Variants in GOLGA5 observed in about 807,000 individuals in gnomAD.
GOLGA5 encodes golgin subfamily A member 5.
A neutral mutation model predicts 93.5 loss-of-function variants in GOLGA5; 50 were observed. That is an observed-to-expected ratio of 0.53 (90% CI 0.43 to 0.68). GOLGA5 has a LOEUF of 0.68. Among genes scored for constraint, GOLGA5 ranks in the 30% least tolerant of loss-of-function variants. The pLI is 0.00. For missense variants in GOLGA5, 760 were observed against 856.4 expected (o/e 0.89, Z 1.40); for synonymous variants, 312 against 304.5 (o/e 1.02, Z -0.26).
chr14:92,834,733 C>T (rs1885604408), intron 10 of GOLGA5, among the ~76,000 whole-genome samples: 1 of 152,182 alleles, frequency 6.6e-6, no homozygotes, highest in African/African-American at 2.4e-5. Flanking sequence ...ATTGAAGGAT[C>T]TTGAGAGGGG....
intron 10 of GOLGA5, among the ~76,000 whole-genome samples, chr14:92,835,061 G>A (rs1885611598): frequency 6.6e-6 from 1 of 152,198 alleles, no homozygotes; most frequent in East Asian, 1.9e-4. Context: ...CAGGGAAATG[G>A]CAGCTGAGGC....
At chr14:92,800,627 A>G (rs1884850322) in intron 2 of GOLGA5, among the ~76,000 whole-genome samples, 1 of 152,224 alleles carries the variant, frequency 6.6e-6, no homozygotes, top group Non-Finnish European at 1.5e-5. Flanking sequence ...TAATTTAAAA[A>G]TGAATTATTG....
intron 4 of GOLGA5, among the ~76,000 whole-genome samples, chr14:92,809,885 G>A (rs1335445968): frequency 6.6e-6 from 1 of 152,340 alleles, no homozygotes; most frequent in South Asian, 2.1e-4. Context: ...TTGAACCCAG[G>A]AGGTGGAGGT....
Position 92,833,198 on chromosome 14 carries a change from T to C in GOLGA5, c.1796T>C (p.Ile599Thr). Reference protein sequence around the residue: ...NRLHQLTETLIQKQTMLESLS... With the variant: ...NRLHQLTETLTQKQTMLESLS... ...CTCCATCAGCTAACAGAGACTCTCA[T>C]CCAGAAACAGACCATGCTGGAGAGT... The change falls in exon 10 of 13, where the codon ATC becomes ACC. Residue 599 changes from isoleucine (I) to threonine (T), a missense_variant. Physicochemically the swap from Ile to Thr is moderately conservative, Grantham distance 89 (BLOSUM62 -1). Transcript: ENST00000163416. 6.2e-7 allele frequency: 1 copy of C among 1,613,400 alleles called. No homozygotes were observed. The highest frequency in any genetic ancestry group is 8.5e-7 in the Non-Finnish European group (1 of 1,179,330).
chr14:92,808,694 C>T (rs1377036493), intron 3 of GOLGA5, among the ~76,000 whole-genome samples: 1 of 47,282 alleles, frequency 2.1e-5, no homozygotes, highest in African/African-American at 8.7e-5. Flanking sequence ...AAAGGTGTGT[C>T]TCACTGGAAA....
At chr14:92,812,389 G>T (rs186565400) in intron 6 of GOLGA5, among the ~76,000 whole-genome samples, 7 of 152,156 alleles carry the variant, frequency 4.6e-5, no homozygotes, top group Non-Finnish European at 7.4e-5. Flanking sequence ...TTACTCAAGA[G>T]CACATGGTTA....
chr14:92,815,404 A>C (rs1415115527), intron 6 of GOLGA5, among the ~76,000 whole-genome samples: 1 of 152,188 alleles, frequency 6.6e-6, no homozygotes, highest in Non-Finnish European at 1.5e-5. Context: ...GGATACTTGT[A>C]ACTTCTCTTT....
At position 92,837,390 on chromosome 14, in the gene GOLGA5, C is replaced by A. The variant is rs372954517; in HGVS notation, c.2056C>A (p.Arg686Ser). Residue 686 changes from arginine to serine, a missense_variant, in exon 12 of 13, where the codon CGC becomes AGC. Coordinates refer to ENST00000163416, the MANE Select transcript of GOLGA5 (RefSeq NM_005113.4). ...CTCACACCTGTGTCTGCACAGTATT[C>A]GCCTGGGAATTTTTCTCCGAAGATA... ...AASSIDQFSI[R>S]LGIFLRRYPI... The A allele has an allele frequency of 2.6e-6, 4 of 1,522,890 alleles. No individual in the cohort carries two copies. Among genetic ancestry groups the A allele is most frequent in the African/African-American group, 2.7e-5 (2 of 73,186 alleles). 94.3% of individuals were successfully genotyped at this position (1,522,890 alleles called of 1,614,324 possible).
chr14:92,820,569 C>T (rs1231991243), intron 8 of GOLGA5, among the ~76,000 whole-genome samples: 8 of 152,178 alleles, frequency 5.3e-5, no homozygotes, highest in Non-Finnish European at 1.5e-5. Flanking sequence ...TGACAGGTGT[C>T]GGGCTGGGGG....
chr14:92,824,547 A>G lies in GOLGA5; in HGVS notation c.1622A>G (p.Glu541Gly), dbSNP rs767069091. The G allele has an allele frequency of 1.9e-6, 3 of 1,541,808 alleles. No homozygotes were observed. The highest frequency in any genetic ancestry group is 2.7e-6 in the Non-Finnish European group (3 of 1,119,542). Reference sequence around the variant, plus strand: ...TTTTGTTTGTGCCTCACTTTGCAGGAGTTCCACTATATAGAAGAAGATCTT... The same window carrying G: ...TTTTGTTTGTGCCTCACTTTGCAGGGGTTCCACTATATAGAAGAAGATCTT... The part of the protein sequence containing the change: ...LETELERLKQ[E>G]FHYIEEDLYR... The change falls in exon 9 of 13, where the codon GAG becomes GGG. Residue 541 changes from glutamate (E) to glycine (G), a missense_variant and splice_region_variant. Coordinates refer to ENST00000163416, the MANE Select transcript of GOLGA5 (RefSeq NM_005113.4).
intron 5 of GOLGA5, among the ~76,000 whole-genome samples, chr14:92,811,294 T>C (rs1885096990): frequency 6.6e-6 from 1 of 152,184 alleles, no homozygotes; most frequent in Non-Finnish European, 1.5e-5. Flanking sequence ...AAATTCCAGT[T>C]TAGTAAGCTT....
intron 5 of GOLGA5, among the ~76,000 whole-genome samples, chr14:92,811,034 CTTAATT>C (rs1259635022): frequency 6.6e-6 from 1 of 152,156 alleles, no homozygotes; most frequent in Non-Finnish European, 1.5e-5. Context: ...GTGTGTGTCT[CTTAATT>C]TTAACACAAT....
rs368512639 is a variant in GOLGA5 at position 92,833,264 on chromosome 14, G to T, written c.1862G>T (p.Arg621Leu). ...EKNSLVFQLE[R>L]LEQQMNSASG... is the part of the protein sequence containing the mutation. Reference sequence around the variant, plus strand: ...AACTCCCTGGTCTTTCAACTGGAGCGCCTCGAACAGCAGATGAACTCCGCC... The same window carrying T: ...AACTCCCTGGTCTTTCAACTGGAGCTCCTCGAACAGCAGATGAACTCCGCC... The change falls in exon 10 of 13, where the codon CGC (arginine) becomes CTC (leucine). Residue 621 changes from arginine to leucine, a missense_variant. Transcript: ENST00000163416. 5.6e-6 allele frequency: 9 copies of T among 1,613,860 alleles called. No homozygotes were observed. Among genetic ancestry groups the T allele is most frequent in the Non-Finnish European group, 7.6e-6 (9 of 1,179,756 alleles).
chr14:92,797,901 C>T lies in GOLGA5; in HGVS notation c.464C>T (p.Thr155Ile), dbSNP rs771822697. 3.1e-6 allele frequency: 5 copies of T among 1,612,686 alleles called. No homozygotes were observed. The highest frequency in any genetic ancestry group is 4.2e-6 in the Non-Finnish European group (5 of 1,179,174). Residue 155 changes from threonine to isoleucine, a missense_variant, in exon 2 of 13, where the codon ACA (threonine) becomes ATA (isoleucine). Transcript: ENST00000163416. The stretch of plus-strand genomic sequence containing the variant: ...ACACCTGTCTTTCAGAGCTCTCAGA[C>T]ATCAAGTGTCAGTTCTGTGAACCCC... ...GKTPVFQSSQ[T>I]SSVSSVNPSV...
At chr14:92,822,802 G>A (rs531949443) in intron 8 of GOLGA5, among the ~76,000 whole-genome samples, 118 of 152,120 alleles carry the variant, frequency 7.8e-4, no homozygotes, top group South Asian at 1.2e-3. Flanking sequence ...GATTACAGAC[G>A]TTCACCACTA....
intron 2 of GOLGA5, among the ~76,000 whole-genome samples, chr14:92,806,019 A>G (rs888618565): frequency 1.4e-5 from 2 of 143,794 alleles, no homozygotes; most frequent in African/African-American, 5.2e-5. Flanking sequence ...ACCTGTTATT[A>G]CTCTTCTTGC....
intron 2 of GOLGA5, among the ~76,000 whole-genome samples, 184 bp from the exon 3 acceptor site, chr14:92,806,552 A>C (rs1474515213): frequency 6.6e-6 from 1 of 152,004 alleles, no homozygotes; most frequent in Non-Finnish European, 1.5e-5. Flanking sequence ...ACCTCAAGTG[A>C]TCTCCCTGCC....
intron 1 of GOLGA5, among the ~76,000 whole-genome samples, chr14:92,795,931 C>G (rs1000042338): frequency 7.2e-5 from 11 of 152,152 alleles, no homozygotes; most frequent in African/African-American, 2.4e-4. Context: ...TGGTTGTGGA[C>G]TTTATTATAG....
chr14:92,821,198 G>A (rs1885310469), intron 8 of GOLGA5, among the ~76,000 whole-genome samples: 1 of 152,096 alleles, frequency 6.6e-6, no homozygotes, highest in African/African-American at 2.4e-5. Flanking sequence ...ATAGTTTATT[G>A]CATTTGTGCT....
Sources: allele counts gnomAD v4.1 joint callset (sites outside exome capture counted in the v4.1 genomes callset), GRCh38; gene constraint gnomAD v4.1.1; transcripts MANE v1.5; gene names NCBI Gene and HGNC (gene_info 2026-07-23, HGNC 2026-07-21).